Variants in RAB31 observed in about 807,000 individuals in gnomAD.
RAB31 encodes the protein RAB31, member RAS oncogene family, also known as ras-related protein Rab-31.
RAB31 carries 21 observed loss-of-function variants against 25.6 expected under a neutral mutation model. The ratio of observed to expected loss-of-function variants is 0.82; its 90% CI spans 0.58 to 1.18. The LOEUF is 1.18. Among genes scored for constraint, RAB31 ranks in the 50% most tolerant of loss-of-function variants. The pLI, the probability that RAB31 is intolerant of heterozygous loss-of-function variation, is 0.00. For missense variants in RAB31, 196 were observed against 250.1 expected (o/e 0.78, Z 1.46); for synonymous variants, 87 against 84.0 (o/e 1.04, Z -0.20).
In RAB31 at chr18:9,708,665, C is replaced by T. The variant is rs997141148; in HGVS notation, c.39+221C>T. ...TCCGCGCCCCTCGCTCTCCGCACCC[C>T]GCCTGTTCTCCGCCTCCCCGCCGTC... On this transcript the variant is annotated intron_variant, in intron 1 of 6. Transcript: ENST00000578921. This position sits in a 1 kb window ranked among gnomAD's most constrained non-coding sequence, Gnocchi z 6.4. Among the ~76,000 whole-genome samples the T allele has an allele frequency of 1.3e-5, 2 of 152,014 alleles. No homozygotes were observed. Among genetic ancestry groups the T allele is most frequent in the African/African-American group, 4.8e-5 (2 of 41,398 alleles).
intron 1 of RAB31, among the ~76,000 whole-genome samples, chr18:9,718,433 A>G (rs1044949505): frequency 2.0e-5 from 3 of 148,800 alleles, no homozygotes; most frequent in Admixed American, 2.0e-4. Flanking sequence ...CTAATTTTGT[A>G]TTTTTAGTAG....
intron 6 of RAB31, among the ~76,000 whole-genome samples, chr18:9,857,554 A>T (rs1252067567): frequency 6.6e-6 from 1 of 152,104 alleles, no homozygotes; most frequent in African/African-American, 2.4e-5. Context: ...AACCAAAAAA[A>T]AAAAAGACTT....
At chr18:9,720,529 C>T (rs113312760) in intron 1 of RAB31, among the ~76,000 whole-genome samples, 4,005 of 151,888 alleles carry the variant, frequency 0.026, 89 homozygotes, top group Middle Eastern at 0.09. Flanking sequence ...AGGTGAGGTG[C>T]GGAGGGGGCG....
chr18:9,733,946 G>C (rs1189527204), intron 1 of RAB31, among the ~76,000 whole-genome samples: 1 of 151,804 alleles, frequency 6.6e-6, no homozygotes, highest in Non-Finnish European at 1.5e-5. Flanking sequence ...TGCTGGCATG[G>C]GTCAAATTCC....
intron 1 of RAB31, chr18:9,726,300 G>T (rs1208173633): frequency 6.6e-6 from 1 of 152,270 alleles, no homozygotes; most frequent in Non-Finnish European, 1.5e-5. Context: ...AGAGATCAGA[G>T]GTTCCCAGGT....
rs1034167967 is a variant in RAB31, at chr18:9,708,455, G to T, written c.39+11G>T. ...GTGTGCCTTCTCGGGGTGAGTCCTG[G>T]CCGCCACCCGCCGGCGGACCCCGGC... On this transcript the variant is annotated intron_variant, in intron 1 of 6. Coordinates refer to ENST00000578921, the MANE Select transcript of RAB31 (RefSeq NM_006868.4). The surrounding 1 kb of genome is among the most constrained non-coding windows in gnomAD (Gnocchi z 6.4). 36 of 1,556,490 alleles carry T rather than the reference G, an allele frequency of 2.3e-5. No homozygotes were observed. The African/African-American group carries it at 5.0e-4, about 22-fold the overall frequency.
chr18:9,759,455 G>A (rs968491407), intron 1 of RAB31, among the ~76,000 whole-genome samples: 1 of 151,580 alleles, frequency 6.6e-6, no homozygotes, highest in Non-Finnish European at 1.5e-5. Context: ...ATAAGCGTGA[G>A]CCACAGCACC....
chr18:9,766,860 G>C lies in RAB31; in HGVS notation c.40-8418G>C, dbSNP rs1310429112. On this transcript the variant is annotated intron_variant, in intron 1 of 6. Transcript: ENST00000578921. This position sits in a 1 kb window ranked among gnomAD's most constrained non-coding sequence, Gnocchi z 4.3. Reference sequence around the variant, plus strand: ...TAGTCTTAGCTACTTGGGAGGGTGAGACAGGAGGATTTCTTGAGCCTGGAA... The same window carrying C: ...TAGTCTTAGCTACTTGGGAGGGTGACACAGGAGGATTTCTTGAGCCTGGAA... 6.6e-6 allele frequency among the ~76,000 whole-genome samples: 1 copy of C among 152,152 alleles called. No homozygotes were observed. Among genetic ancestry groups the C allele is most frequent in the Admixed American group, 6.6e-5 (1 of 15,266 alleles).
chr18:9,831,842 G>T (rs1374951023), intron 5 of RAB31, among the ~76,000 whole-genome samples: 1 of 152,220 alleles, frequency 6.6e-6, no homozygotes, highest in African/African-American at 2.4e-5. Flanking sequence ...GTCTACCCTG[G>T]GTGGTGGGCC....
chr18:9,828,108 CGAA>C (rs2068659181), intron 5 of RAB31, among the ~76,000 whole-genome samples: 1 of 152,060 alleles, frequency 6.6e-6, no homozygotes, highest in Admixed American at 6.5e-5. Context: ...AGATCTGGAA[CGAA>C]GGCCTGGAGG....
chr18:9,839,892 T>C (rs1433711493), intron 5 of RAB31, among the ~76,000 whole-genome samples: 2 of 152,208 alleles, frequency 1.3e-5, no homozygotes, highest in African/African-American at 4.8e-5. Context: ...GTCTCTTTTG[T>C]GGTCCCGCAG....
intron 1 of RAB31, among the ~76,000 whole-genome samples, chr18:9,711,472 A>C (rs550700989): frequency 1.3e-5 from 2 of 152,342 alleles, no homozygotes. Flanking sequence ...TCCCAAGCTC[A>C]GGTGATCCTC....
At chr18:9,758,649 C>A (rs937997402) in intron 1 of RAB31, among the ~76,000 whole-genome samples, 5 of 152,158 alleles carry the variant, frequency 3.3e-5, no homozygotes, top group Admixed American at 2.0e-4. Context: ...GTGTTCCTCA[C>A]TGAACCAGGA....
intron 3 of RAB31, among the ~76,000 whole-genome samples, 197 bp downstream of exon 3, chr18:9,792,432 T>A (rs900505537): frequency 1.3e-5 from 2 of 151,952 alleles, no homozygotes; most frequent in Admixed American, 6.5e-5. Flanking sequence ...CGGGGCTGAG[T>A]TCAGGTCCCC....
intron 2 of RAB31, among the ~76,000 whole-genome samples, chr18:9,779,175 TCA>T (rs2068389529): frequency 6.6e-6 from 1 of 152,234 alleles, no homozygotes. Context: ...CACTTTCTTC[TCA>T]GTTTTTCCTG....
intron 1 of RAB31, among the ~76,000 whole-genome samples, chr18:9,748,230 C>T (rs1224084533): frequency 6.6e-6 from 1 of 152,106 alleles, no homozygotes; most frequent in Non-Finnish European, 1.5e-5. Flanking sequence ...GGTGCAGTGG[C>T]TCAAGCCTGT....
rs370003103 is a variant in RAB31 at position 9,859,358 on chromosome 18, G to A, written c.*33G>A. ...GCCGTGGTCCACGGTACTTGAAGAA[G>A]CCAGAGCCCACATCCTGTGCACTGC... is the stretch of plus-strand genomic sequence containing the variant. On this transcript the variant is annotated 3_prime_UTR_variant, in exon 7 of 7. Coordinates refer to ENST00000578921, the MANE Select transcript of RAB31 (RefSeq NM_006868.4). 39 of 1,563,072 alleles carry A rather than the reference G, an allele frequency of 2.5e-5. No individual in the cohort carries two copies. In the African/African-American group the frequency reaches 3.5e-4, roughly 14 times the overall value.
chr18:9,831,341 A>C (rs6506704), intron 5 of RAB31, among the ~76,000 whole-genome samples: 2,381 of 152,270 alleles, frequency 0.016, 56 homozygotes, highest in East Asian at 0.11. Flanking sequence ...ACATATGCCT[A>C]TCATTTTGGT....
chr18:9,802,928 A>C (rs1018352421), intron 3 of RAB31, among the ~76,000 whole-genome samples: 8 of 152,222 alleles, frequency 5.3e-5, no homozygotes, highest in African/African-American at 1.9e-4. Context: ...TTCACTATTC[A>C]TAGGCCATTA....
Sources: allele counts gnomAD v4.1 joint callset (sites outside exome capture counted in the v4.1 genomes callset), GRCh38; gene constraint gnomAD v4.1.1; non-coding constraint Gnocchi (gnomAD v3.1); transcripts MANE v1.5; gene names NCBI Gene and HGNC (gene_info 2026-07-23, HGNC 2026-07-21).